Variants in RSPO3 observed in about 807,000 individuals in gnomAD.
The protein encoded by RSPO3 is R-spondin 3.
A neutral mutation model predicts 36.5 loss-of-function variants in RSPO3; 17 were observed. That is an observed-to-expected ratio of 0.47 (90% CI 0.32 to 0.70). The LOEUF (loss-of-function observed/expected upper bound fraction) is 0.70. RSPO3 is among the 30% of genes least tolerant of loss of function. The pLI is 0.04. For synonymous variants in RSPO3, 108 were observed against 107.0 expected (o/e 1.01, Z -0.06); for missense variants, 294 against 322.5 (o/e 0.91, Z 0.68).
Position 127,197,598 on chromosome 6 carries a change from C to T in RSPO3, c.*1591C>T. 1 of 1,499,482 alleles carries T rather than the reference C, an allele frequency of 6.7e-7. No homozygotes were observed. Among genetic ancestry groups the T allele is most frequent in the Non-Finnish European group, 8.9e-7 (1 of 1,122,170 alleles). 92.9% of individuals were successfully genotyped at this position (1,499,482 alleles called of 1,614,324 possible). On this transcript the variant is annotated 3_prime_UTR_variant, in exon 5 of 5. Transcript: ENST00000356698. Reference sequence around the variant, plus strand: ...TGCTCTGTCCACTGTGATTCCTAGCCCTCTCAAGATCACTGCTTTCTGAAG... The same window carrying T: ...TGCTCTGTCCACTGTGATTCCTAGCTCTCTCAAGATCACTGCTTTCTGAAG...
At chr6:127,191,606 T>C (rs1361057418) in intron 4 of RSPO3, among the ~76,000 whole-genome samples, 3 of 152,340 alleles carry the variant, frequency 2.0e-5, no homozygotes, top group African/African-American at 7.2e-5. Context: ...ATCTTAAATA[T>C]GGCTTTTTGG....
At chr6:127,177,591 G>A (rs1269468576) in intron 4 of RSPO3, among the ~76,000 whole-genome samples, 2 of 151,806 alleles carry the variant, frequency 1.3e-5, no homozygotes, top group Admixed American at 1.3e-4. Flanking sequence ...TTAATGATAA[G>A]GTATAAGCAT....
At chr6:127,135,926 C>CAAAAAAAAAAAAAAA (rs5879836) in intron 1 of RSPO3, among the ~76,000 whole-genome samples, 1 of 115,020 alleles carries the variant, frequency 8.7e-6, no homozygotes. Context: ...GACCCTGCCT[C>CAAAAAAAAAAAAAAA]AAAAAAAAAA....
intron 4 of RSPO3, among the ~76,000 whole-genome samples, chr6:127,168,142 G>T (rs1353184965): frequency 6.6e-6 from 1 of 152,082 alleles, no homozygotes; most frequent in Non-Finnish European, 1.5e-5. Context: ...TGGGTCAAAT[G>T]GTATTTCTAG....
At chr6:127,161,889 TCA>T (rs764640749) in intron 4 of RSPO3, among the ~76,000 whole-genome samples, 3 of 152,174 alleles carry the variant, frequency 2.0e-5, no homozygotes, top group Non-Finnish European at 4.4e-5. Context: ...GAGGATTGTT[TCA>T]GTTAGCTTTT....
At chr6:127,189,966 T>G (rs1304281302) in intron 4 of RSPO3, among the ~76,000 whole-genome samples, 1 of 152,156 alleles carries the variant, frequency 6.6e-6, no homozygotes, top group Non-Finnish European at 1.5e-5. Context: ...AGAAGAAGTT[T>G]TCTATTTTAT....
intron 2 of RSPO3, 74 bp from the exon 3 acceptor site, chr6:127,150,352 C>T (rs1774466992): frequency 7.0e-7 from 1 of 1,419,956 alleles, no homozygotes; most frequent in South Asian, 1.3e-5. Context: ...GTGGCTGTGT[C>T]TGACACATGT....
intron 1 of RSPO3, among the ~76,000 whole-genome samples, chr6:127,129,474 C>T (rs1033645212): frequency 6.6e-5 from 10 of 151,940 alleles, no homozygotes; most frequent in African/African-American, 2.4e-4. Flanking sequence ...CCAATAACCG[C>T]AGTTGCCAAA....
At chr6:127,184,309 T>C (rs1185401262) in intron 4 of RSPO3, among the ~76,000 whole-genome samples, 2 of 152,030 alleles carry the variant, frequency 1.3e-5, no homozygotes, top group Non-Finnish European at 2.9e-5. Flanking sequence ...TGTTACTACA[T>C]TAATTGTTCT....
intron 4 of RSPO3, among the ~76,000 whole-genome samples, chr6:127,193,665 T>C (rs2114279121): frequency 6.6e-6 from 1 of 152,320 alleles, no homozygotes; most frequent in South Asian, 2.1e-4. Flanking sequence ...TTTTCTCTGT[T>C]TGTACAGTTT....
At chr6:127,150,084 G>C (rs199972626) in intron 2 of RSPO3, among the ~76,000 whole-genome samples, 1 of 151,694 alleles carries the variant, frequency 6.6e-6, no homozygotes, top group Non-Finnish European at 1.5e-5. Flanking sequence ...AATATCCTTT[G>C]TATGTTTTCT....
Position 127,155,351 on chromosome 6 carries a change from C to A in RSPO3, c.547C>A (p.Pro183Thr). The change falls in exon 4 of 5, where the codon CCT becomes ACT. Residue 183 changes from proline to threonine, a missense_variant. Coordinates refer to ENST00000356698, the MANE Select transcript of RSPO3 (RefSeq NM_032784.5). ...ETRVREIIQHPSAKGNLCPPT... is the reference protein window; with the variant it reads ...ETRVREIIQHTSAKGNLCPPT... ...ACGGGTCCGAGAAATAATACAGCAT[C>A]CTTCAGCAAAGGGTAACCTGTGTCC... 6.2e-7 allele frequency: 1 copy of A among 1,613,774 alleles called. No homozygotes were observed. Among genetic ancestry groups the A allele is most frequent in the Non-Finnish European group, 8.5e-7 (1 of 1,179,874 alleles).
chr6:127,197,543 C>T lies in RSPO3; in HGVS notation c.*1536C>T. On this transcript the variant is annotated 3_prime_UTR_variant, in exon 5 of 5. Coordinates refer to ENST00000356698, the MANE Select transcript of RSPO3 (RefSeq NM_032784.5). ...CACAGAATCGCATGACCCACCTTAA[C>T]CTTCCTGTTGTCATGGAAGGATGCA... is the stretch of plus-strand genomic sequence containing the variant. 2 of 1,549,738 alleles carry T rather than the reference C, an allele frequency of 1.3e-6. No individual in the cohort carries two copies. The highest frequency in any genetic ancestry group is 1.2e-5 in the South Asian group (1 of 84,008).
intron 1 of RSPO3, among the ~76,000 whole-genome samples, chr6:127,139,017 A>G (rs1211121623): frequency 2.0e-5 from 3 of 152,160 alleles, no homozygotes; most frequent in Non-Finnish European, 4.4e-5. Context: ...GCACATAAGT[A>G]TAAAGATGCA....
At chr6:127,129,444 A>G (rs1447468076) in intron 1 of RSPO3, among the ~76,000 whole-genome samples, 1 of 152,000 alleles carries the variant, frequency 6.6e-6, no homozygotes, top group African/African-American at 2.4e-5. Flanking sequence ...ATGGGTTCCA[A>G]TGAGTCACTA....
In RSPO3 at chr6:127,119,237, T is replaced by C. The variant is rs1773783307; in HGVS notation, c.45T>C (p.Phe15=). 7 of 1,613,842 alleles carry C rather than the reference T, an allele frequency of 4.3e-6. No homozygotes were observed. The South Asian group carries it at 4.4e-5, about 10-fold the overall frequency. The change falls in exon 1 of 5, where the codon TTT becomes TTC. Residue 15 remains phenylalanine (F), a synonymous_variant. Coordinates refer to ENST00000356698, the MANE Select transcript of RSPO3 (RefSeq NM_032784.5). ...LISWLFIILN[F]MEYIGSQNAS... is the part of the protein sequence containing the mutation. ...CTTGGCTTTTTATCATTTTGAACTT[T>C]ATGGAATACATCGGCAGCCAAAACG...
chr6:127,190,237 G>A (rs570954343), intron 4 of RSPO3, among the ~76,000 whole-genome samples: 4 of 151,992 alleles, frequency 2.6e-5, no homozygotes, highest in African/African-American at 7.2e-5. Context: ...CAGCCTGACC[G>A]ACATGGTAAA....
At chr6:127,124,289 C>T (rs1166372195) in intron 1 of RSPO3, among the ~76,000 whole-genome samples, 4 of 152,082 alleles carry the variant, frequency 2.6e-5, no homozygotes, top group African/African-American at 7.2e-5. Flanking sequence ...ACTCACATAT[C>T]CCATCCCCAC....
intron 2 of RSPO3, 70 bp from the exon 3 acceptor site, chr6:127,150,356 C>T (rs1016412162): frequency 7.0e-7 from 1 of 1,438,270 alleles, no homozygotes; most frequent in Non-Finnish European, 9.4e-7. Flanking sequence ...CTGTGTCTGA[C>T]ACATGTAGAA....
Sources: allele counts gnomAD v4.1 joint callset (sites outside exome capture counted in the v4.1 genomes callset), GRCh38; gene constraint gnomAD v4.1.1; transcripts MANE v1.5; gene names NCBI Gene and HGNC (gene_info 2026-07-23, HGNC 2026-07-21).